Variants in POLA1 observed in about 807,000 individuals in gnomAD.
POLA1 encodes the protein DNA polymerase alpha catalytic subunit.
A neutral mutation model predicts 124.0 loss-of-function variants in POLA1; 15 were observed. The ratio of observed to expected loss-of-function variants is 0.12; its 90% CI spans 0.08 to 0.19. The LOEUF is 0.19. Among genes scored for constraint, POLA1 ranks in the 10% least tolerant of loss-of-function variants. POLA1 has a pLI of 1.00. For synonymous variants in POLA1, 408 were observed against 389.4 expected (o/e 1.05, Z -0.56); for missense variants, 886 against 1,103.4 (o/e 0.80, Z 2.79).
chrX:24,790,474 A>C (rs1403270590), intron 26 of POLA1, among the ~76,000 whole-genome samples: 2 of 111,170 alleles, frequency 1.8e-5, no homozygotes, highest in Admixed American at 1.9e-4. Flanking sequence ...ACTATGGCTA[A>C]TTTTCTTTGA....
At chrX:24,973,409 A>AGAGAG (rs2048327817) in intron 36 of POLA1, among the ~76,000 whole-genome samples, 3 of 107,884 alleles carry the variant, frequency 2.8e-5, no homozygotes, top group African/African-American at 1.1e-4. Context: ...GAGAGAGAGA[A>AGAGAG]AGAAAGGAAA....
chrX:24,726,924 CT>C lies in POLA1; in HGVS notation c.1393-4del, dbSNP rs35482289. 8.8e-7 allele frequency: 1 copy of C among 1,133,195 alleles called. No individual in the cohort carries two copies. Among genetic ancestry groups the C allele is most frequent in the Non-Finnish European group, 1.2e-6 (1 of 855,926 alleles). 93.4% of individuals were successfully genotyped at this position (1,133,195 alleles called of 1,213,427 possible). ...AACAAAAAGATTCTTTTTTTTTTTC[CT>C]TTTTCAGGCTGAAATGCCACAGCTT... On this transcript the variant is annotated splice_polypyrimidine_tract_variant and splice_region_variant and intron_variant, in intron 13 of 36. Transcript: ENST00000379068.
chrX:24,711,786 C>T (rs940570786), intron 4 of POLA1, among the ~76,000 whole-genome samples: 7 of 111,354 alleles, frequency 6.3e-5, no homozygotes, highest in Admixed American at 4.7e-4. Flanking sequence ...TTAGTAGAGA[C>T]GGGGTTTCAC....
intron 36 of POLA1, among the ~76,000 whole-genome samples, chrX:24,938,364 C>T (rs772289888): frequency 1.3e-3 from 142 of 111,368 alleles, no homozygotes; most frequent in Non-Finnish European, 2.1e-3. Context: ...TGCAGTGAGC[C>T]GAGATCGCAC....
intron 17 of POLA1, chrX:24,734,062 A>AC (rs1931111031): frequency 4.5e-6 from 1 of 223,688 alleles, no homozygotes. Context: ...ATAGGCTCAA[A>AC]CCCCCCTCCA....
intron 28 of POLA1, among the ~76,000 whole-genome samples, 171 bp downstream of exon 28, chrX:24,810,971 A>G (rs2045888839): frequency 9.0e-6 from 1 of 111,302 alleles, no homozygotes; most frequent in Admixed American, 9.5e-5. Flanking sequence ...TTTTTCTGAG[A>G]CAGGGTCTCA....
At chrX:24,703,902 G>A (rs1433477691) in intron 3 of POLA1, among the ~76,000 whole-genome samples, 1 of 111,789 alleles carries the variant, frequency 8.9e-6, no homozygotes, top group East Asian at 2.8e-4. Context: ...AAGCTCATTG[G>A]TTCTCACTTG....
intron 36 of POLA1, among the ~76,000 whole-genome samples, chrX:24,984,700 C>G (rs1225782591): frequency 1.0e-5 from 1 of 95,595 alleles, no homozygotes; most frequent in Non-Finnish European, 2.0e-5. Flanking sequence ...TGCTCTGTTG[C>G]CCAGGCTGGA....
intron 34 of POLA1, among the ~76,000 whole-genome samples, chrX:24,882,981 G>A (rs1251219495): frequency 9.0e-6 from 1 of 111,367 alleles, no homozygotes; most frequent in Non-Finnish European, 1.9e-5. Context: ...GTGTATAAGC[G>A]TTCCCATTTC....
intron 35 of POLA1, among the ~76,000 whole-genome samples, chrX:24,892,113 C>T (rs1184415763): frequency 9.0e-6 from 1 of 110,611 alleles, no homozygotes; most frequent in East Asian, 2.8e-4. Context: ...GGGTTTTACA[C>T]GTGTATCTTC....
chrX:24,843,805 C>G (rs11573434), intron 34 of POLA1, 128 bp downstream of exon 34: 1 of 343,706 alleles, frequency 2.9e-6, no homozygotes, highest in Non-Finnish European at 4.9e-6. Context: ...ACTATTAATA[C>G]AAATATGATA....
intron 36 of POLA1, among the ~76,000 whole-genome samples, chrX:24,992,340 G>T (rs926460391): frequency 1.8e-5 from 2 of 112,155 alleles, no homozygotes; most frequent in Non-Finnish European, 3.8e-5. Flanking sequence ...ACTGAGAACT[G>T]TATGGTGGGA....
rs184751735 is a variant in POLA1, at chrX:24,982,076, T to A, written c.4262-13729T>A. Among the ~76,000 whole-genome samples the A allele has an allele frequency of 4.0e-3, 442 of 110,206 alleles. 5 individuals carry two copies. Among genetic ancestry groups the A allele is most frequent in the African/African-American group, 0.014 (409 of 30,264 alleles). ...TTCCCCCTTCTCAGGTCCCTTTTTTTTTTCCCTCAAGGCATTTAGTGTCGT... is the reference window on the plus strand; with the variant it reads ...TTCCCCCTTCTCAGGTCCCTTTTTTATTTCCCTCAAGGCATTTAGTGTCGT... On this transcript the variant is annotated intron_variant, in intron 36 of 36. Transcript: ENST00000379068.
chrX:24,923,695 A>G (rs1435534037), intron 35 of POLA1, among the ~76,000 whole-genome samples: 1 of 112,201 alleles, frequency 8.9e-6, no homozygotes, highest in Non-Finnish European at 1.9e-5. Context: ...AGTGGTGGCA[A>G]TGTTTTGTAT....
chrX:24,912,014 G>A (rs957132828), intron 35 of POLA1, among the ~76,000 whole-genome samples: 13 of 112,557 alleles, frequency 1.2e-4, no homozygotes, highest in Admixed American at 3.8e-4. Flanking sequence ...AATCAAGACA[G>A]TGTGGAACTG....
chrX:24,995,653 C>T lies in POLA1; in HGVS notation c.4262-152C>T, dbSNP rs190023942. ...AGAAAAGCTTTCACAGAGGAATGGT[C>T]GGCGGGGGCTGCATCTGACTGGCCC... On this transcript the variant is annotated intron_variant, in intron 36 of 36. Transcript: ENST00000379068. 8.8e-5 allele frequency: 42 copies of T among 475,649 alleles called. No homozygotes were observed. The Admixed American group carries it at 9.4e-4, about 11-fold the overall frequency. 39.2% of individuals were successfully genotyped at this position (475,649 alleles called of 1,213,427 possible). A position where few individuals can be genotyped will look rare whatever the true frequency, so the allele number is the denominator to read the frequency against.
chrX:24,705,700 C>A (rs947952287), intron 4 of POLA1, among the ~76,000 whole-genome samples: 4 of 110,424 alleles, frequency 3.6e-5, no homozygotes, highest in East Asian at 2.8e-4. Flanking sequence ...ACCTCCCCCC[C>A]TCCCCTGCCC....
At chrX:24,936,688 C>T (rs750896768) in intron 36 of POLA1, among the ~76,000 whole-genome samples, 3 of 111,377 alleles carry the variant, frequency 2.7e-5, no homozygotes, top group South Asian at 3.8e-4. Context: ...TCTGCCACCA[C>T]GCCCGGCTAA....
At chrX:24,856,839 A>ATTTT (rs547364341) in intron 34 of POLA1, among the ~76,000 whole-genome samples, 3 of 102,873 alleles carry the variant, frequency 2.9e-5, no homozygotes, top group African/African-American at 1.1e-4. Flanking sequence ...AAAAAATTGG[A>ATTTT]TTTTTTTTTT....
Sources: gnomAD v4.1 joint callset for allele counts (sites outside exome capture counted in the v4.1 genomes callset) on GRCh38, gnomAD v4.1.1 for gene constraint, MANE v1.5 for transcripts, NCBI Gene and HGNC (gene_info 2026-07-23, HGNC 2026-07-21) for gene names.